The following PCDHA6 variants were observed in gnomAD, a reference collection of about 807,000 sequenced individuals.
PCDHA6 encodes the protein protocadherin alpha-6.
In PCDHA6, 55 loss-of-function variants were observed where a neutral mutation model predicts 60.3. The ratio of observed to expected loss-of-function variants is 0.91; its 90% confidence interval spans 0.73 to 1.14. The LOEUF is 1.14. Ranked by LOEUF, PCDHA6 falls within the 50% of genes most tolerant of loss-of-function variation. The pLI is 0.00. For synonymous variants in PCDHA6, 652 were observed against 557.9 expected (o/e 1.17, Z -2.38); for missense variants, 1,327 against 1,256.5 (o/e 1.06, Z -0.85).
intron 1 of PCDHA6, among the ~76,000 whole-genome samples, chr5:140,941,439 G>A (rs187782763): frequency 1.3e-5 from 2 of 149,420 alleles, no homozygotes; most frequent in East Asian, 2.0e-4. Context: ...CCTCAGCCTC[G>A]GGAGTAGCTG....
intron 1 of PCDHA6, chr5:140,884,069 T>A (rs2059977023): frequency 6.2e-7 from 1 of 1,613,394 alleles, no homozygotes; most frequent in Non-Finnish European, 8.5e-7. Flanking sequence ...GGACGCCGAT[T>A]CGGGCTACAA....
chr5:140,883,852 G>A (rs1554180292), intron 1 of PCDHA6: 1 of 1,612,972 alleles, frequency 6.2e-7, no homozygotes. Flanking sequence ...ACGAGGAGCT[G>A]GAGCTGTTGC....
chr5:140,856,427 G>A lies in PCDHA6; in HGVS notation c.2394+25942G>A, dbSNP rs782109045. ...GGACGTGGAAGTGAAGGACATTAAC[G>A]ACAACCCGCCCAGGTTCTCCGTAAC... On this transcript the variant is annotated intron_variant, in intron 1 of 3. Coordinates refer to ENST00000529310, the MANE Select transcript of PCDHA6 (RefSeq NM_018909.4). The A allele has an allele frequency of 9.4e-6, 15 of 1,598,250 alleles. 1 individual carries two copies. Among genetic ancestry groups the A allele is most frequent in the Non-Finnish European group, 1.3e-5 (15 of 1,167,914 alleles).
intron 1 of PCDHA6, among the ~76,000 whole-genome samples, chr5:140,931,650 T>C (rs2087656696): frequency 6.6e-6 from 1 of 152,016 alleles, no homozygotes; most frequent in South Asian, 2.1e-4. Flanking sequence ...CTAATAATTG[T>C]TGTGGGCTGG....
At chr5:140,966,874 A>C (rs782520756) in intron 1 of PCDHA6, 275 of 1,584,454 alleles carry the variant, frequency 1.7e-4, no homozygotes, top group Non-Finnish European at 2.3e-4. Flanking sequence ...TGCTGCTGCT[A>C]CCTGGCCCTG....
Position 140,978,996 on chromosome 5 carries a change from A to C in PCDHA6, c.2442A>C (p.Ala814=). Residue 814 remains alanine, a synonymous_variant, in exon 2 of 4, where the codon GCA becomes GCC. Transcript: ENST00000529310. ...GGCGTTACTCTGCCTCCCTGAGAGC[A>C]GGCATGCACAGGTATGTATTTCCCT... ...PDWRYSASLR[A]GMHSSVHLEE... is the part of the protein sequence containing the mutation. 6.2e-7 allele frequency: 1 copy of C among 1,614,186 alleles called. No individual in the cohort carries two copies. The highest frequency in any genetic ancestry group is 8.5e-7 in the Non-Finnish European group (1 of 1,180,024).
chr5:140,974,467 A>C (rs2096628825), intron 1 of PCDHA6, among the ~76,000 whole-genome samples: 1 of 152,228 alleles, frequency 6.6e-6, no homozygotes, highest in Non-Finnish European at 1.5e-5. Context: ...TTCAGAGGAA[A>C]GTATTCCACC....
In PCDHA6 at chr5:140,829,943, G is replaced by T. The variant is rs1195178508; in HGVS notation, c.1852G>T (p.Ala618Ser). 1.2e-6 allele frequency: 2 copies of T among 1,613,992 alleles called. No individual in the cohort carries two copies. The highest frequency in any genetic ancestry group is 1.7e-6 in the Non-Finnish European group (2 of 1,179,906). The change falls in exon 1 of 4, where the codon GCT becomes TCT. Residue 618 changes from alanine (A) to serine (S), a missense_variant. Coordinates refer to ENST00000529310, the MANE Select transcript of PCDHA6 (RefSeq NM_018909.4). Reference sequence around the variant, plus strand: ...TGAGCTGCAGCCCCCGGCAAGCAGCGCTCGCTTCCCGTTTCGCGTGGGGCT... The same window carrying T: ...TGAGCTGCAGCCCCCGGCAAGCAGCTCTCGCTTCCCGTTTCGCGTGGGGCT... The part of the protein sequence containing the change: ...SYELQPPASS[A>S]RFPFRVGLYT...
intron 1 of PCDHA6, chr5:140,836,178 G>T (rs2150254808): frequency 1.2e-6 from 2 of 1,613,826 alleles, no homozygotes; most frequent in Non-Finnish European, 1.7e-6. Context: ...TGCAGTTGAC[G>T]CTGACTCAGG....
Position 140,927,170 on chromosome 5 carries a change from G to A in PCDHA6, c.2395-51779G>A, listed in dbSNP as rs370656989. The A allele has an allele frequency of 2.6e-5, 42 of 1,614,048 alleles. No individual in the cohort carries two copies. The highest frequency in any genetic ancestry group is 3.5e-5 in the Non-Finnish European group (41 of 1,180,042). On this transcript the variant is annotated intron_variant, in intron 1 of 3. Coordinates refer to ENST00000529310, the MANE Select transcript of PCDHA6 (RefSeq NM_018909.4). Reference sequence around the variant, plus strand: ...CAGCTGTGCAGGGCCAAAGCTGCCTGCGTCTTGACCTACGACCTGGTGCTC... The same window carrying A: ...CAGCTGTGCAGGGCCAAAGCTGCCTACGTCTTGACCTACGACCTGGTGCTC...
intron 1 of PCDHA6, among the ~76,000 whole-genome samples, chr5:140,880,565 A>T (rs1554171321): frequency 6.6e-6 from 1 of 152,206 alleles, no homozygotes; most frequent in Non-Finnish European, 1.5e-5. Flanking sequence ...TGAGGTTGAG[A>T]ATTTGAGAAG....
intron 1 of PCDHA6, among the ~76,000 whole-genome samples, chr5:140,941,955 A>G (rs1424348103): frequency 1.3e-5 from 2 of 152,216 alleles, no homozygotes; most frequent in Non-Finnish European, 2.9e-5. Flanking sequence ...TTTGAAAACA[A>G]TAGTATCTTT....
chr5:140,871,298 C>G (rs987284077), intron 1 of PCDHA6: 1 of 1,613,894 alleles, frequency 6.2e-7, no homozygotes, highest in Non-Finnish European at 8.5e-7. Flanking sequence ...GGCGCGTGCG[C>G]GCCGGGGAAG....
chr5:140,973,719 C>T (rs1184460895), intron 1 of PCDHA6, among the ~76,000 whole-genome samples: 8 of 152,228 alleles, frequency 5.3e-5, no homozygotes, highest in African/African-American at 1.7e-4. Flanking sequence ...TGAGCCATCA[C>T]ATGGGCATCT....
intron 1 of PCDHA6, chr5:140,848,438 T>C: frequency 6.8e-7 from 1 of 1,477,490 alleles, no homozygotes; most frequent in Non-Finnish European, 9.2e-7. Flanking sequence ...CGAAATCAGA[T>C]GATTTCTTCT....
Position 141,010,990 on chromosome 5 carries a change from A to G in PCDHA6, c.*1053A>G, listed in dbSNP as rs1399914066. The stretch of plus-strand genomic sequence containing the variant: ...GTGCTTTAAGAGAATTGCCTGAAAC[A>G]TCTGTATTATATCGGCCACCTGCCA... On this transcript the variant is annotated 3_prime_UTR_variant, in exon 4 of 4. Transcript: ENST00000529310. The G allele has an allele frequency of 6.5e-6, 1 of 153,770 alleles. No individual in the cohort carries two copies. Among genetic ancestry groups the G allele is most frequent in the Non-Finnish European group, 1.5e-5 (1 of 68,054 alleles). 9.5% of individuals were successfully genotyped at this position (153,770 alleles called of 1,614,324 possible). A position where few individuals can be genotyped will look rare whatever the true frequency, so the allele number is the denominator to read the frequency against.
At chr5:140,847,318 A>G (rs1054415960) in intron 1 of PCDHA6, 1 of 149,914 alleles carries the variant, frequency 6.7e-6, no homozygotes, top group Admixed American at 6.7e-5. Context: ...CAAGGACAGA[A>G]GCAATTGTTA....
chr5:140,976,323 G>A (rs532976656), intron 1 of PCDHA6, among the ~76,000 whole-genome samples: 26 of 152,258 alleles, frequency 1.7e-4, no homozygotes, highest in African/African-American at 6.0e-4. Context: ...GGCCGAGGAG[G>A]GTGGATTGCC....
chr5:140,829,839 G>C lies in PCDHA6; in HGVS notation c.1748G>C (p.Arg583Pro), dbSNP rs2150175882. Reference protein sequence around the residue: ...TGGAVSELVPRSLGAGQVVAK... With the variant: ...TGGAVSELVPPSLGAGQVVAK... Reference sequence around the variant, plus strand: ...GGTGCAGTGAGCGAGCTGGTGCCGCGGTCACTGGGTGCAGGCCAAGTGGTG... The same window carrying C: ...GGTGCAGTGAGCGAGCTGGTGCCGCCGTCACTGGGTGCAGGCCAAGTGGTG... The change falls in exon 1 of 4, where the codon CGG becomes CCG. Residue 583 changes from arginine to proline, a missense_variant. Arg to Pro is a moderately radical substitution (Grantham distance 103). Coordinates refer to ENST00000529310, the MANE Select transcript of PCDHA6 (RefSeq NM_018909.4). 1 of 1,613,930 alleles carries C rather than the reference G, an allele frequency of 6.2e-7. No individual in the cohort carries two copies. The highest frequency in any genetic ancestry group is 8.5e-7 in the Non-Finnish European group (1 of 1,179,892).
Sources: allele counts gnomAD v4.1 joint callset (sites outside exome capture counted in the v4.1 genomes callset), GRCh38; gene constraint gnomAD v4.1.1; transcripts MANE v1.5; gene names NCBI Gene and HGNC (gene_info 2026-07-23, HGNC 2026-07-21).